The following GALNT13 variants were observed in gnomAD, a reference collection of about 807,000 sequenced individuals.
The protein encoded by GALNT13 is UDP-GalNAc:polypeptide N-acetylgalactosaminyltransferase 13.
Under a neutral mutation model 64.2 loss-of-function variants are expected in GALNT13, and 28 were observed. The ratio of observed to expected loss-of-function variants is 0.44; its 90% CI spans 0.32 to 0.60. The LOEUF is 0.60. Ranked by LOEUF, GALNT13 falls within the 20% of genes least tolerant of loss-of-function variation. The pLI, the probability that GALNT13 is intolerant of heterozygous loss-of-function variation, is 0.05. For missense variants in GALNT13, 577 were observed against 669.8 expected, an observed-to-expected ratio of 0.86 and a Z score of 1.53; for synonymous variants, 214 against 224.6, an observed-to-expected ratio of 0.95 and a Z score of 0.42.
chr2:154,277,760 T>G lies in GALNT13; in HGVS notation c.975+18622T>G, dbSNP rs560382325. ...TCAGTACTACCCTTAAAAATTATAT[T>G]CAACCAAACAATATTTACAACATTT... is the stretch of plus-strand genomic sequence containing the variant. On this transcript the variant is annotated intron_variant, in intron 8 of 12. Coordinates refer to ENST00000392825, the MANE Select transcript of GALNT13 (RefSeq NM_052917.4). Among the ~76,000 whole-genome samples, 47 of 152,286 alleles carry G rather than the reference T, an allele frequency of 3.1e-4. 1 individual carries two copies. The highest frequency in any genetic ancestry group is 8.4e-4 in the African/African-American group (35 of 41,568).
At chr2:153,630,622 C>G in the GALNT13 span, among the ~76,000 whole-genome samples, 1 of 144,006 alleles carries the variant, frequency 6.9e-6, no homozygotes, top group Non-Finnish European at 1.5e-5. Context: ...ACATTGTGCA[C>G]ATGTACCCTA....
intron 9 of GALNT13, among the ~76,000 whole-genome samples, chr2:154,306,669 T>C (rs1320213915): frequency 1.1e-4 from 16 of 148,204 alleles, no homozygotes; most frequent in South Asian, 2.1e-4. Context: ...GATGAAATCA[T>C]AGGGTATTGA....
At chr2:153,393,705 C>A in the GALNT13 span, among the ~76,000 whole-genome samples, 1 of 151,882 alleles carries the variant, frequency 6.6e-6, no homozygotes, top group Admixed American at 6.6e-5. Flanking sequence ...GTAAGATAGG[C>A]AACCCTCCAT....
At chr2:153,597,089 GT>G in the GALNT13 span, among the ~76,000 whole-genome samples, 7 of 152,130 alleles carry the variant, frequency 4.6e-5, no homozygotes, top group South Asian at 1.5e-3. Context: ...TTCTACAACA[GT>G]TTTTTTACAA....
chr2:154,389,801 A>G (rs1184042734), intron 9 of GALNT13, among the ~76,000 whole-genome samples: 2 of 152,162 alleles, frequency 1.3e-5, no homozygotes, highest in African/African-American at 2.4e-5. Context: ...AGAGGTTTAT[A>G]TAGCAGCAAA....
At chr2:154,232,966 G>A (rs1689001373) in intron 4 of GALNT13, among the ~76,000 whole-genome samples, 1 of 150,252 alleles carries the variant, frequency 6.7e-6, no homozygotes, top group Non-Finnish European at 1.5e-5. Context: ...CTTGAGCCCA[G>A]GAGGCGGAGG....
At chr2:153,817,900 G>A in the GALNT13 span, among the ~76,000 whole-genome samples, 7 of 152,134 alleles carry the variant, frequency 4.6e-5, no homozygotes, top group African/African-American at 9.7e-5. Context: ...AATTAAGGAG[G>A]GGGAGGTTCA....
chr2:153,360,039 C>T, the GALNT13 span, among the ~76,000 whole-genome samples: 1 of 152,126 alleles, frequency 6.6e-6, no homozygotes, highest in Non-Finnish European at 1.5e-5. Context: ...ATAGGAGGCT[C>T]CCATCCAAAA....
intron 9 of GALNT13, among the ~76,000 whole-genome samples, chr2:154,351,000 G>C (rs1696364997): frequency 6.6e-6 from 1 of 152,274 alleles, no homozygotes; most frequent in South Asian, 2.1e-4. Context: ...GTAGGTATGG[G>C]AAACGCAGTG....
intron 2 of GALNT13, among the ~76,000 whole-genome samples, chr2:153,927,051 A>G (rs958239966): frequency 7.2e-5 from 11 of 152,044 alleles, no homozygotes; most frequent in Admixed American, 5.3e-4. Context: ...CTCTTAACTT[A>G]AAGTCTTTTC....
the GALNT13 span, among the ~76,000 whole-genome samples, chr2:153,578,597 A>C: frequency 2.0e-5 from 3 of 152,328 alleles, no homozygotes; most frequent in East Asian, 5.8e-4. Flanking sequence ...GCACAAAGCC[A>C]GTAGCTTTAG....
the GALNT13 span, among the ~76,000 whole-genome samples, chr2:153,635,445 C>CAT: frequency 0.013 from 1,677 of 130,258 alleles, 120 homozygotes; most frequent in Non-Finnish European, 0.017. Context: ...TATATACACA[C>CAT]ATATATATGT....
At chr2:153,440,342 G>T in the GALNT13 span, among the ~76,000 whole-genome samples, 1 of 152,128 alleles carries the variant, frequency 6.6e-6, no homozygotes, top group African/African-American at 2.4e-5. Flanking sequence ...TCTTTATCCA[G>T]TCTATCATTG....
the GALNT13 span, among the ~76,000 whole-genome samples, chr2:153,722,027 C>A: frequency 2.0e-5 from 3 of 148,862 alleles, no homozygotes; most frequent in Admixed American, 2.0e-4. Flanking sequence ...CCACACCACA[C>A]CTATTCCAAA....
the GALNT13 span, among the ~76,000 whole-genome samples, chr2:153,098,451 C>T: frequency 6.6e-6 from 1 of 152,108 alleles, no homozygotes; most frequent in Admixed American, 6.5e-5. Flanking sequence ...TTACATTTTC[C>T]TGACTTATCT....
chr2:153,576,975 A>C, the GALNT13 span, among the ~76,000 whole-genome samples: 2 of 151,816 alleles, frequency 1.3e-5, no homozygotes, highest in Non-Finnish European at 2.9e-5. Flanking sequence ...GTTTCTCTCT[A>C]TTTCATTGTT....
the GALNT13 span, among the ~76,000 whole-genome samples, chr2:153,448,839 A>C: frequency 6.6e-6 from 1 of 152,204 alleles, no homozygotes; most frequent in Admixed American, 6.5e-5. Flanking sequence ...TCATATGTTG[A>C]AGCCCTAACC....
the GALNT13 span, among the ~76,000 whole-genome samples, chr2:153,543,167 T>C: frequency 2.0e-5 from 3 of 152,120 alleles, no homozygotes; most frequent in Non-Finnish European, 4.4e-5. Context: ...AGGTTGGAGG[T>C]GAATGCTTGG....
intron 3 of GALNT13, among the ~76,000 whole-genome samples, chr2:154,115,888 T>G (rs1703269985): frequency 6.6e-6 from 1 of 152,156 alleles, no homozygotes; most frequent in South Asian, 2.1e-4. Context: ...TCTGCTTATA[T>G]ATATTAGAAA....
Sources: gnomAD v4.1 joint callset for allele counts (sites outside exome capture counted in the v4.1 genomes callset) on GRCh38, gnomAD v4.1.1 for gene constraint, MANE v1.5 for transcripts, NCBI Gene and HGNC (gene_info 2026-07-23, HGNC 2026-07-21) for gene names.